The following WWC2 variants were observed in gnomAD, a reference collection of about 807,000 sequenced individuals.
WWC2 encodes WW and C2 domain containing 2.
In WWC2, 101 loss-of-function variants were observed where a neutral mutation model predicts 138.5. The observed-to-expected ratio is 0.73, with a 90% CI of 0.62 to 0.86. WWC2 has a LOEUF of 0.86. Among genes scored for constraint, WWC2 ranks in the 40% least tolerant of loss-of-function variants. WWC2 has a pLI of 0.00. For synonymous variants in WWC2, 558 were observed against 538.4 expected (o/e 1.04, Z -0.50); for missense variants, 1,420 against 1,419.4 (o/e 1.00, Z -0.01).
Position 183,319,259 on chromosome 4 carries a change from A to G in WWC2, c.*3530A>G. On this transcript the variant is annotated 3_prime_UTR_variant, in exon 23 of 23. Transcript: ENST00000403733. ...TCCGCTCCATATGAATAATACCTTC[A>G]AAGATACATAGAGATTAATGTTTTA... is the stretch of plus-strand genomic sequence containing the variant. 3.6e-6 allele frequency: 1 copy of G among 277,942 alleles called. No individual in the cohort carries two copies. The highest frequency in any genetic ancestry group is 6.7e-6 in the Non-Finnish European group (1 of 148,932). The allele number at this position is 277,942 out of a possible 1,614,324, so 17.2% of individuals were successfully genotyped here. A position where few individuals can be genotyped will look rare whatever the true frequency, so the allele number is the denominator to read the frequency against.
chr4:183,160,315 A>G (rs775305326), intron 1 of WWC2, among the ~76,000 whole-genome samples: 1 of 152,258 alleles, frequency 6.6e-6, no homozygotes, highest in Non-Finnish European at 1.5e-5. Context: ...AATAGTTGAA[A>G]GACGAATTAG....
intron 1 of WWC2, among the ~76,000 whole-genome samples, chr4:183,191,278 T>C (rs752274738): frequency 1.1e-4 from 16 of 152,172 alleles, no homozygotes; most frequent in Admixed American, 2.6e-4. Context: ...TAAAATGTTT[T>C]GCATTTGAAC....
At chr4:183,200,496 T>C (rs1013432889) in intron 2 of WWC2, among the ~76,000 whole-genome samples, 5 of 152,190 alleles carry the variant, frequency 3.3e-5, no homozygotes, top group African/African-American at 1.2e-4. Flanking sequence ...AAATAATATT[T>C]ATTATCTCAT....
chr4:183,289,269 C>G, intron 20 of WWC2, 124 bp from the exon 21 acceptor site: 3 of 1,407,858 alleles, frequency 2.1e-6, no homozygotes, highest in South Asian at 3.0e-5. Context: ...TTGCTCCTGC[C>G]CCTTAGGCCC....
At chr4:183,276,851 G>A (rs1280113341) in intron 16 of WWC2, among the ~76,000 whole-genome samples, 2 of 151,894 alleles carry the variant, frequency 1.3e-5, no homozygotes, top group East Asian at 1.9e-4. Flanking sequence ...CAGAATTCTA[G>A]GTCTGCCGTT....
chr4:183,177,094 A>G (rs772978495), intron 1 of WWC2, among the ~76,000 whole-genome samples: 95 of 152,206 alleles, frequency 6.2e-4, no homozygotes, highest in Non-Finnish European at 1.0e-3. Context: ...AAGGAGGACT[A>G]GAGCAATAAA....
intron 1 of WWC2, among the ~76,000 whole-genome samples, chr4:183,109,664 C>A (rs1265246365): frequency 1.3e-5 from 2 of 152,228 alleles, no homozygotes; most frequent in Non-Finnish European, 2.9e-5. Flanking sequence ...GTCATGCTTG[C>A]TCGCACCACA....
intron 17 of WWC2, chr4:183,281,155 T>C (rs78972742): frequency 1.2e-5 from 1 of 85,840 alleles, no homozygotes; most frequent in African/African-American, 4.7e-5. Context: ...TTTCTGAGCC[T>C]TTTTTTTTTT....
At chr4:183,171,801 TA>T (rs1253758863) in intron 1 of WWC2, among the ~76,000 whole-genome samples, 1 of 152,204 alleles carries the variant, frequency 6.6e-6, no homozygotes, top group African/African-American at 2.4e-5. Context: ...TTTATCTATC[TA>T]TCTTGACTTC....
In WWC2 at chr4:183,319,626, T is replaced by C. The variant is rs1407672909; in HGVS notation, c.*3897T>C. The C allele has an allele frequency of 6.2e-7, 1 of 1,614,028 alleles. No homozygotes were observed. The highest frequency in any genetic ancestry group is 8.5e-7 in the Non-Finnish European group (1 of 1,180,008). ...ATCTTGTGTTTGTGCCACTGCGTAG[T>C]GGCCCGAAGCTAGGGGAGCGTGGCT... is the stretch of plus-strand genomic sequence containing the variant. On this transcript the variant is annotated 3_prime_UTR_variant, in exon 23 of 23. Transcript: ENST00000403733.
At chr4:183,273,520 T>C (rs1478240539) in intron 16 of WWC2, among the ~76,000 whole-genome samples, 3 of 152,110 alleles carry the variant, frequency 2.0e-5, no homozygotes, top group South Asian at 2.1e-4. Flanking sequence ...GTCAGGCTGG[T>C]CTCAAACTCC....
At chr4:183,280,566 G>C (rs1209044589) in intron 16 of WWC2, among the ~76,000 whole-genome samples, 2 of 152,094 alleles carry the variant, frequency 1.3e-5, no homozygotes, top group Non-Finnish European at 2.9e-5. Context: ...TGGCCCTCTA[G>C]TCCTGATTGC....
At chr4:183,114,636 A>G (rs1057126152) in intron 1 of WWC2, among the ~76,000 whole-genome samples, 1 of 151,742 alleles carries the variant, frequency 6.6e-6, no homozygotes, top group Non-Finnish European at 1.5e-5. Flanking sequence ...TGTTTCAGCT[A>G]AGATGGTTTA....
At chr4:183,291,725 A>G (rs1311371288) in intron 21 of WWC2, among the ~76,000 whole-genome samples, 1 of 152,332 alleles carries the variant, frequency 6.6e-6, no homozygotes, top group African/African-American at 2.4e-5. Context: ...ACTTAATATC[A>G]TAACGCAAAG....
intron 21 of WWC2, among the ~76,000 whole-genome samples, chr4:183,296,708 C>T (rs774951384): frequency 4.0e-5 from 6 of 151,752 alleles, no homozygotes; most frequent in South Asian, 2.1e-4. Context: ...CCAAGGCGGG[C>T]GGATCACGAG....
intron 9 of WWC2, among the ~76,000 whole-genome samples, chr4:183,256,368 T>C (rs1249833086): frequency 6.6e-6 from 1 of 152,224 alleles, no homozygotes; most frequent in Non-Finnish European, 1.5e-5. Flanking sequence ...ATCCTTTCTT[T>C]CCCAAGTAGA....
In WWC2 at chr4:183,206,177, C is replaced by A. The variant is rs192128727; in HGVS notation, c.242-1776C>A. ...TTTCCCTTCTCTCAGAGATCACAAT[C>A]CTGTACTACCTGTTGTCCAACATCT... On this transcript the variant is annotated intron_variant, in intron 2 of 22. Coordinates refer to ENST00000403733, the MANE Select transcript of WWC2 (RefSeq NM_024949.6). 1.2e-3 allele frequency among the ~76,000 whole-genome samples: 188 copies of A among 152,222 alleles called. 1 individual carries two copies. Among genetic ancestry groups the A allele is most frequent in the African/African-American group, 4.4e-3 (184 of 41,526 alleles).
chr4:183,316,120 T>C lies in WWC2; in HGVS notation c.*391T>C, dbSNP rs751049745. 1 of 188,736 alleles carries C rather than the reference T, an allele frequency of 5.3e-6. No individual in the cohort carries two copies. The highest frequency in any genetic ancestry group is 1.1e-5 in the Non-Finnish European group (1 of 90,036). The allele number at this position is 188,736 out of a possible 1,614,324, so 11.7% of individuals were successfully genotyped here. ...TGCTTCTCCTTTGTGTTCCTGTGAG[T>C]AGGCTGTGCCGATGGCAGCAGCGCC... On this transcript the variant is annotated 3_prime_UTR_variant, in exon 23 of 23. Transcript: ENST00000403733.
intron 21 of WWC2, among the ~76,000 whole-genome samples, chr4:183,295,521 C>T (rs997283612): frequency 6.6e-6 from 1 of 152,160 alleles, no homozygotes; most frequent in Non-Finnish European, 1.5e-5. Flanking sequence ...CTCAGGGAAC[C>T]CTTGGTCCAG....
Sources: allele counts gnomAD v4.1 joint callset (sites outside exome capture counted in the v4.1 genomes callset), GRCh38; gene constraint gnomAD v4.1.1; transcripts MANE v1.5; gene names NCBI Gene and HGNC (gene_info 2026-07-23, HGNC 2026-07-21).